TACC2: variants seen among roughly 807,000 people sequenced by gnomAD.
The protein encoded by TACC2 is transforming acidic coiled-coil containing protein 2, also known as transforming acidic coiled-coil-containing protein 2.
TACC2 carries 137 observed loss-of-function variants against 227.3 expected under a neutral mutation model. The ratio of observed to expected loss-of-function variants is 0.60; its 90% CI spans 0.52 to 0.69. The LOEUF is 0.69. TACC2 is among the 30% of genes least tolerant of loss of function. The pLI, the probability that TACC2 is intolerant of heterozygous loss-of-function variation, is 0.00. For synonymous variants in TACC2, 1,523 were observed against 1,487.5 expected (o/e 1.02, Z -0.55); for missense variants, 3,470 against 3,694.4 (o/e 0.94, Z 1.57).
At chr10:122,160,528 A>T (rs943632455) in intron 7 of TACC2, among the ~76,000 whole-genome samples, 1 of 144,066 alleles carries the variant, frequency 6.9e-6, no homozygotes, top group East Asian at 2.1e-4. Flanking sequence ...GCAGAGAAGA[A>T]GTGTGTGTGT....
At position 122,065,142 on chromosome 10, in the gene TACC2, G is replaced by A. The variant is rs117718045; in HGVS notation, c.146+14592G>A. 3.9e-3 allele frequency among the ~76,000 whole-genome samples: 598 copies of A among 152,160 alleles called. 5 individuals are homozygous for A. The highest frequency in any genetic ancestry group is 0.014 in the Admixed American group (218 of 15,268). On this transcript the variant is annotated intron_variant, in intron 3 of 22. Transcript: ENST00000369005. ...GAACATAAAATTTACCATCTTAACCGTTTCTAAGTGTACAGTTCAGTAGTA... is the reference window on the plus strand; with the variant it reads ...GAACATAAAATTTACCATCTTAACCATTTCTAAGTGTACAGTTCAGTAGTA...
At position 122,254,321 on chromosome 10, in the gene TACC2, A is replaced by G. The variant is rs1459287529; in HGVS notation, c.*265A>G. 1 of 491,400 alleles carries G rather than the reference A, an allele frequency of 2.0e-6. No individual in the cohort carries two copies. The highest frequency in any genetic ancestry group is 1.9e-5 in the African/African-American group (1 of 51,356). The allele number at this position is 491,400 out of a possible 1,614,324, so 30.4% of individuals were successfully genotyped here. A position where few individuals can be genotyped will look rare whatever the true frequency, so the allele number is the denominator to read the frequency against. On this transcript the variant is annotated 3_prime_UTR_variant, in exon 23 of 23. Transcript: ENST00000369005. ...CAGGGAGATTGTCTGATTCTCTAAT[A>G]AAAGACACATTGCTGACCTTGGCCT...
intron 5 of TACC2, among the ~76,000 whole-genome samples, chr10:122,096,771 T>C (rs2081486930): frequency 6.6e-6 from 1 of 151,830 alleles, no homozygotes; most frequent in African/African-American, 2.4e-5. Context: ...GTTTTTCCAC[T>C]GATGTCTCTG....
At chr10:122,132,045 A>AAAGGAAGGAAGGAAGG (rs1565389785) in intron 5 of TACC2, among the ~76,000 whole-genome samples, 8 of 3,190 alleles carry the variant, frequency 2.5e-3, no homozygotes, top group Admixed American at 4.9e-3. Context: ...AGAAAGAAAG[A>AAAGGAAGGAAGGAAGG]AAGAAAGAAA....
chr10:122,219,126 A>G (rs2095473308), intron 11 of TACC2, among the ~76,000 whole-genome samples: 1 of 151,678 alleles, frequency 6.6e-6, no homozygotes, highest in African/African-American at 2.4e-5. Flanking sequence ...CTGCACCTGC[A>G]TCCGAGGCAG....
intron 16 of TACC2, 115 bp downstream of exon 16, chr10:122,230,555 AG>A: frequency 1.1e-6 from 1 of 912,550 alleles, no homozygotes; most frequent in Non-Finnish European, 1.7e-6. Flanking sequence ...TCCAGCAAAG[AG>A]TCGTTTCCAA....
At chr10:122,102,729 A>C (rs1294640291) in intron 5 of TACC2, among the ~76,000 whole-genome samples, 2 of 152,304 alleles carry the variant, frequency 1.3e-5, no homozygotes, top group East Asian at 3.9e-4. Context: ...GGCTCATGGA[A>C]CACACGTCTG....
At chr10:121,999,055 C>T (rs1337057947) in intron 1 of TACC2, among the ~76,000 whole-genome samples, 3 of 150,360 alleles carry the variant, frequency 2.0e-5, no homozygotes, top group African/African-American at 4.9e-5. Context: ...TGTCGCCAGG[C>T]TGGAGTGCAG....
intron 6 of TACC2, among the ~76,000 whole-genome samples, chr10:122,138,691 G>C (rs1332127151): frequency 6.6e-6 from 1 of 152,256 alleles, no homozygotes; most frequent in Middle Eastern, 3.4e-3. Flanking sequence ...GTGAATTGGG[G>C]TGCACCTTTA....
At chr10:122,195,290 G>C in intron 8 of TACC2, 114 bp downstream of exon 8, 1 of 901,402 alleles carries the variant, frequency 1.1e-6, no homozygotes, top group Non-Finnish European at 1.6e-6. Context: ...TCGACCTCTT[G>C]GCTTTGAGTT....
chr10:122,187,961 G>A (rs2094268168), intron 7 of TACC2, among the ~76,000 whole-genome samples: 1 of 152,058 alleles, frequency 6.6e-6, no homozygotes, highest in African/African-American at 2.4e-5. Flanking sequence ...AGGGGAGCTG[G>A]GAGGCATCCT....
chr10:122,010,573 G>T (rs540860875), intron 1 of TACC2, among the ~76,000 whole-genome samples: 1 of 152,266 alleles, frequency 6.6e-6, no homozygotes, highest in South Asian at 2.1e-4. Context: ...GATGACACTG[G>T]GTCTGGCATA....
chr10:122,020,449 G>A (rs1467123849), intron 1 of TACC2, among the ~76,000 whole-genome samples: 2 of 152,108 alleles, frequency 1.3e-5, no homozygotes, highest in Non-Finnish European at 2.9e-5. Flanking sequence ...TTAGTTTGGA[G>A]GCATTTTAAT....
intron 6 of TACC2, among the ~76,000 whole-genome samples, chr10:122,133,246 T>C (rs2088763321): frequency 1.3e-5 from 2 of 152,052 alleles, no homozygotes; most frequent in East Asian, 3.9e-4. Context: ...CCTTCTGCCA[T>C]GTCACCTCCC....
At chr10:122,206,323 G>A (rs1180046336) in intron 8 of TACC2, among the ~76,000 whole-genome samples, 3 of 152,220 alleles carry the variant, frequency 2.0e-5, no homozygotes, top group Admixed American at 6.5e-5. Context: ...CAGCACTGGT[G>A]CTATGGCCTG....
intron 7 of TACC2, among the ~76,000 whole-genome samples, chr10:122,152,307 C>G (rs768251622): frequency 1.3e-5 from 2 of 152,146 alleles, no homozygotes; most frequent in Non-Finnish European, 2.9e-5. Context: ...TGAATAAAAT[C>G]AGAATGATTT....
chr10:122,035,353 T>G (rs947752022), intron 2 of TACC2, among the ~76,000 whole-genome samples: 11 of 152,174 alleles, frequency 7.2e-5, no homozygotes, highest in Non-Finnish European at 1.0e-4. Context: ...TGTCTGGAAC[T>G]TACAGCCAAT....
intron 5 of TACC2, among the ~76,000 whole-genome samples, chr10:122,106,871 T>C (rs895887429): frequency 1.3e-5 from 2 of 152,238 alleles, no homozygotes; most frequent in Admixed American, 6.5e-5. Context: ...CAGGCCCTTT[T>C]CATTTTCCTC....
At chr10:122,149,089 A>G (rs932978208) in intron 7 of TACC2, among the ~76,000 whole-genome samples, 5 of 152,174 alleles carry the variant, frequency 3.3e-5, no homozygotes, top group African/African-American at 1.2e-4. Context: ...TGATAATAAG[A>G]ATTTCCAGGA....
Sources: allele counts gnomAD v4.1 joint callset (sites outside exome capture counted in the v4.1 genomes callset), GRCh38; gene constraint gnomAD v4.1.1; transcripts MANE v1.5; gene names NCBI Gene and HGNC (gene_info 2026-07-23, HGNC 2026-07-21).